The following CELF3 variants were observed in gnomAD, a reference collection of about 807,000 sequenced individuals.
CELF3 encodes CAG repeat domain.
A neutral mutation model predicts 59.6 loss-of-function variants in CELF3; 26 were observed. The ratio of observed to expected loss-of-function variants is 0.44; its 90% CI spans 0.32 to 0.61. The LOEUF is 0.61. Ranked by LOEUF, CELF3 falls within the 20% of genes least tolerant of loss-of-function variation. CELF3 has a pLI of 0.06. For missense variants in CELF3, 387 were observed against 627.2 expected (o/e 0.62, Z 4.09); for synonymous variants, 245 against 250.7 (o/e 0.98, Z 0.22).
At position 151,716,010 on chromosome 1, in the gene CELF3, G is replaced by A. The variant is rs1489792163; in HGVS notation, c.11C>T (p.Pro4Leu). The A allele has an allele frequency of 2.5e-6, 4 of 1,612,526 alleles. No homozygotes were observed. Among genetic ancestry groups the A allele is most frequent in the East Asian group, 2.2e-5 (1 of 44,862 alleles). Reference protein sequence around the residue: MKEPDAIKLFVGQI... With the variant: MKELDAIKLFVGQI... ...CCCCACAAACAGCTTGATGGCATCCGGCTCCTTCATTGAGGCGGCCCAGGA... is the reference window on the plus strand; with the variant it reads ...CCCCACAAACAGCTTGATGGCATCCAGCTCCTTCATTGAGGCGGCCCAGGA... The change falls in exon 1 of 13, where the codon CCG (proline) becomes CTG (leucine). Residue 4 changes from proline (P) to leucine (L), a missense_variant. Physicochemically the swap from Pro to Leu is moderately conservative, Grantham distance 98. Coordinates refer to ENST00000290583, the MANE Select transcript of CELF3 (RefSeq NM_007185.7).
At chr1:151,711,887 G>A (rs922742907) in intron 2 of CELF3, 5 of 152,246 alleles carry the variant, frequency 3.3e-5, no homozygotes, top group Non-Finnish European at 5.9e-5. Context: ...GTTCCCTCCT[G>A]GCATAGGCTC....
Position 151,703,425 on chromosome 1 carries a change from C to A in CELF3, c.*34G>T, listed in dbSNP as rs971658387. ...AGTCGTGGGAAGAGGGTGTGAGGCG[C>A]CCCTTCCTCTGGGATCTCCAGACCT... On this transcript the variant is annotated 3_prime_UTR_variant, in exon 13 of 13. Coordinates refer to ENST00000290583, the MANE Select transcript of CELF3 (RefSeq NM_007185.7). 4 of 364,276 alleles carry A rather than the reference C, an allele frequency of 1.1e-5. No homozygotes were observed. The highest frequency in any genetic ancestry group is 6.0e-5 in the South Asian group (3 of 50,024). The allele number at this position is 364,276 out of a possible 1,614,324, so 22.6% of individuals were successfully genotyped here.
chr1:151,707,180 T>G lies in CELF3; in HGVS notation c.887A>C (p.Asp296Ala). ...GTGAACCCCGTTGGGATACAGAGCA[T>G]CAGGGGCAGGCTGCCCAGTGGGCTG... is the stretch of plus-strand genomic sequence containing the variant. ...PTQPTGQPAP[D>A]ALYPNGVHPY... The change falls in exon 8 of 13, where the codon GAT (aspartate) becomes GCT (alanine). Residue 296 changes from aspartate (D) to alanine (A), a missense_variant. Transcript: ENST00000290583. 1 of 1,532,152 alleles carries G rather than the reference T, an allele frequency of 6.5e-7. No individual in the cohort carries two copies. 94.9% of individuals were successfully genotyped at this position (1,532,152 alleles called of 1,614,324 possible). A position where few individuals can be genotyped will look rare whatever the true frequency, so the allele number is the denominator to read the frequency against.
At position 151,706,650 on chromosome 1, in the gene CELF3, C is replaced by T. The variant is rs774811099; in HGVS notation, c.988+19G>A. 30 of 1,551,074 alleles carry T rather than the reference C, an allele frequency of 1.9e-5. No homozygotes were observed. The South Asian group carries it at 3.3e-4, about 17-fold the overall frequency. On this transcript the variant is annotated intron_variant, in intron 9 of 12. Transcript: ENST00000290583. ...CCACCTCTCCCACCTGAGCAGGGGCCCTGGCTAGGGCGCCTCACCTGTGTA... is the reference window on the plus strand; with the variant it reads ...CCACCTCTCCCACCTGAGCAGGGGCTCTGGCTAGGGCGCCTCACCTGTGTA...
intron 12 of CELF3, among the ~76,000 whole-genome samples, chr1:151,704,020 G>A (rs1672302805): frequency 6.6e-6 from 1 of 152,134 alleles, no homozygotes; most frequent in African/African-American, 2.4e-5. Flanking sequence ...CACGTCCCGC[G>A]AGCTGCCCCC....
At chr1:151,714,555 C>T (rs1311085607) in intron 2 of CELF3, 39 bp downstream of exon 2, 3 of 1,479,028 alleles carry the variant, frequency 2.0e-6, no homozygotes, top group Non-Finnish European at 2.8e-6. Context: ...CTTCTATGGC[C>T]CTTCTCAGTC....
chr1:151,703,976 C>T (rs1672299276), intron 12 of CELF3, among the ~76,000 whole-genome samples: 1 of 152,124 alleles, frequency 6.6e-6, no homozygotes, highest in Admixed American at 6.5e-5. Context: ...ATGCACAGAA[C>T]ACAGACCACA....
In CELF3 at chr1:151,701,553, T is replaced by C. The variant is rs1413865618; in HGVS notation, c.*1906A>G. On this transcript the variant is annotated 3_prime_UTR_variant, in exon 13 of 13. Transcript: ENST00000290583. The stretch of plus-strand genomic sequence containing the variant: ...TGGGTTCAACTCCTACAGCCATGCC[T>C]TACTGGCTTTGTGACTCCAGGGAAG... Among the ~76,000 whole-genome samples the C allele has an allele frequency of 6.6e-6, 1 of 152,196 alleles. No individual in the cohort carries two copies. Among genetic ancestry groups the C allele is most frequent in the Admixed American group, 6.5e-5 (1 of 15,284 alleles).
chr1:151,704,933 G>A lies in CELF3; in HGVS notation c.*10+98C>T, dbSNP rs946813394. Reference sequence around the variant, plus strand: ...TCAAGGGTGGGGTGGGCATCCCTGAGGGTGGTGGAGGACAGGGGTTGGGGG... The same window carrying A: ...TCAAGGGTGGGGTGGGCATCCCTGAAGGTGGTGGAGGACAGGGGTTGGGGG... On this transcript the variant is annotated intron_variant, in intron 12 of 12. Coordinates refer to ENST00000290583, the MANE Select transcript of CELF3 (RefSeq NM_007185.7). 5 of 1,347,494 alleles carry A rather than the reference G, an allele frequency of 3.7e-6. No individual in the cohort carries two copies. In the African/African-American group the frequency reaches 7.2e-5, roughly 19 times the overall value. 83.5% of individuals were successfully genotyped at this position (1,347,494 alleles called of 1,614,324 possible).
chr1:151,713,976 A>G (rs1259688757), intron 2 of CELF3, among the ~76,000 whole-genome samples: 2 of 152,076 alleles, frequency 1.3e-5, no homozygotes, highest in Admixed American at 1.3e-4. Context: ...CTGATCCTCT[A>G]CAATGTCTGT....
At chr1:151,710,828 G>A (rs1459064631) in intron 2 of CELF3, 3 of 456,350 alleles carry the variant, frequency 6.6e-6, no homozygotes, top group African/African-American at 2.0e-5. Flanking sequence ...AGAGGACTTG[G>A]AAATTACTCC....
intron 7 of CELF3, 44 bp from the exon 8 acceptor site, chr1:151,707,338 C>A (rs1322451944): frequency 1.3e-6 from 2 of 1,554,320 alleles, no homozygotes; most frequent in Non-Finnish European, 1.7e-6. Flanking sequence ...GGAGCAGACA[C>A]ACACACAGGC....
rs1672428007 is a variant in CELF3, at chr1:151,705,450, C to A, written c.1271-282G>T. On this transcript the variant is annotated intron_variant, in intron 11 of 12. Coordinates refer to ENST00000290583, the MANE Select transcript of CELF3 (RefSeq NM_007185.7). The surrounding 1 kb of genome is among the most constrained non-coding windows in gnomAD (Gnocchi z 5.1). Reference sequence around the variant, plus strand: ...CTTTGAAAACGGCCACTTCCAGACCCTAAATGGCTTCTGAAGCAGAGAAGA... The same window carrying A: ...CTTTGAAAACGGCCACTTCCAGACCATAAATGGCTTCTGAAGCAGAGAAGA... 6.6e-6 allele frequency among the ~76,000 whole-genome samples: 1 copy of A among 152,166 alleles called. No individual in the cohort carries two copies. The highest frequency in any genetic ancestry group is 6.5e-5 in the Admixed American group (1 of 15,270).
At position 151,709,924 on chromosome 1, in the gene CELF3, C is replaced by A; in HGVS notation, c.229-133G>T. On this transcript the variant is annotated intron_variant, in intron 2 of 12. Coordinates refer to ENST00000290583, the MANE Select transcript of CELF3 (RefSeq NM_007185.7). The surrounding 1 kb of genome is among the most constrained non-coding windows in gnomAD (Gnocchi z 4.9). Reference sequence around the variant, plus strand: ...TAAGTTTCTGATGGGAAGGAAGGGACAGGGCCTAATACTGTTCAGGATGAA... The same window carrying A: ...TAAGTTTCTGATGGGAAGGAAGGGAAAGGGCCTAATACTGTTCAGGATGAA... The A allele has an allele frequency of 1.2e-6, 1 of 832,998 alleles. No homozygotes were observed. Among genetic ancestry groups the A allele is most frequent in the South Asian group, 1.3e-5 (1 of 74,476 alleles). 51.6% of individuals were successfully genotyped at this position (832,998 alleles called of 1,614,324 possible).
chr1:151,708,802 T>C (rs1672773586), intron 5 of CELF3, among the ~76,000 whole-genome samples, 196 bp downstream of exon 5: 1 of 148,894 alleles, frequency 6.7e-6, no homozygotes, highest in Non-Finnish European at 1.5e-5. Context: ...GGATGGGGAA[T>C]AGGGGAGGAG....
rs1290053945 is a variant in CELF3 at position 151,707,856 on chromosome 1, G to T, written c.566C>A (p.Thr189Asn). 6.2e-7 allele frequency: 1 copy of T among 1,613,956 alleles called. No individual in the cohort carries two copies. Among genetic ancestry groups the T allele is most frequent in the Non-Finnish European group, 8.5e-7 (1 of 1,179,902 alleles). The change falls in exon 6 of 13, where the codon ACC becomes AAC. Residue 189 changes from threonine to asparagine, a missense_variant. By Grantham distance (65) the Thr-to-Asn change is moderately conservative. Transcript: ENST00000290583. ...GATGGGGCTGAACATGCCCAACTGG[G>T]TGGCCACCTGCTGCATGCGGCGGAG... Reference protein sequence around the residue: ...RGLRRMQQVATQLGMFSPIAL... With the variant: ...RGLRRMQQVANQLGMFSPIAL...
At position 151,700,755 on chromosome 1, in the gene CELF3, T is replaced by G. The variant is rs1672025677; in HGVS notation, c.*2704A>C. Among the ~76,000 whole-genome samples, 1 of 152,214 alleles carries G rather than the reference T, an allele frequency of 6.6e-6. No individual in the cohort carries two copies. The highest frequency in any genetic ancestry group is 1.5e-5 in the Non-Finnish European group (1 of 68,020). ...CTTAAATGATTTAATACCATTGAGT[T>G]TATGCGAAAGTACTAAAAACTCTTG... On this transcript the variant is annotated 3_prime_UTR_variant, in exon 13 of 13. Transcript: ENST00000290583.
chr1:151,703,850 G>A (rs572063838), intron 12 of CELF3, among the ~76,000 whole-genome samples: 1 of 152,232 alleles, frequency 6.6e-6, no homozygotes, highest in African/African-American at 2.4e-5. Context: ...CGCAGAGAAG[G>A]CCAGGGCAGA....
In CELF3 at chr1:151,707,589, G is replaced by A. The variant is rs1292911301; in HGVS notation, c.690C>T (p.Ala230=). The change falls in exon 7 of 13, where the codon GCC becomes GCT. Residue 230 remains alanine (A), a synonymous_variant. Coordinates refer to ENST00000290583, the MANE Select transcript of CELF3 (RefSeq NM_007185.7). The part of the protein sequence containing the change: ...AAHSAYLSPM[A]TMAAVQMQHM... ...GCTGCATCTGCACGGCAGCCATGGTGGCCATGGGGCTGAGGTAGGCACTGT... is the reference window on the plus strand; with the variant it reads ...GCTGCATCTGCACGGCAGCCATGGTAGCCATGGGGCTGAGGTAGGCACTGT... The A allele has an allele frequency of 6.2e-7, 1 of 1,609,040 alleles. No homozygotes were observed. The highest frequency in any genetic ancestry group is 8.5e-7 in the Non-Finnish European group (1 of 1,178,678).
Sources: gnomAD v4.1 joint callset for allele counts (sites outside exome capture counted in the v4.1 genomes callset) on GRCh38, gnomAD v4.1.1 for gene constraint, Gnocchi (gnomAD v3.1) non-coding constraint, MANE v1.5 for transcripts, NCBI Gene and HGNC (gene_info 2026-07-23, HGNC 2026-07-21) for gene names.